The following CACNG4 variants were observed in gnomAD, a reference collection of about 807,000 sequenced individuals.
The protein encoded by CACNG4 is voltage-dependent calcium channel gamma-4 subunit.
CACNG4 carries 8 observed loss-of-function variants against 22.9 expected under a neutral mutation model. The observed-to-expected ratio is 0.35, with a 90% CI of 0.21 to 0.63. The LOEUF (loss-of-function observed/expected upper bound fraction) is 0.63. Among genes scored for constraint, CACNG4 ranks in the 30% least tolerant of loss-of-function variants. CACNG4 has a pLI of 0.72. For missense variants in CACNG4, 357 were observed against 455.4 expected (o/e 0.78, Z 1.97); for synonymous variants, 188 against 191.9 (o/e 0.98, Z 0.17).
intron 1 of CACNG4, among the ~76,000 whole-genome samples, chr17:66,993,179 G>A (rs1033079547): frequency 6.6e-6 from 1 of 152,270 alleles, no homozygotes; most frequent in Non-Finnish European, 1.5e-5. Context: ...TGGGCCTGAG[G>A]CCTGTGGTGG....
At chr17:66,968,398 C>A (rs1350409181) in intron 1 of CACNG4, among the ~76,000 whole-genome samples, 1 of 151,874 alleles carries the variant, frequency 6.6e-6, no homozygotes, top group Non-Finnish European at 1.5e-5. Flanking sequence ...CCCTTCCCTT[C>A]TTTTCCCTTC....
Position 67,032,260 on chromosome 17 carries a change from GT to G in CACNG4, c.*1261del, listed in dbSNP as rs1391346921. 6.1e-6 allele frequency: 2 copies of G among 329,134 alleles called. No homozygotes were observed. The highest frequency in any genetic ancestry group is 1.2e-5 in the Non-Finnish European group (2 of 168,970). 20.4% of individuals were successfully genotyped at this position (329,134 alleles called of 1,614,324 possible). ...GAGGAAGTGGTTTCTGTGTTTTACA[GT>G]TTTTCCAGCCATTCTTTTCTTCCCC... On this transcript the variant is annotated 3_prime_UTR_variant, in exon 4 of 4. Coordinates refer to ENST00000262138, the MANE Select transcript of CACNG4 (RefSeq NM_014405.4).
chr17:67,001,829 G>C (rs1369805234), intron 1 of CACNG4, among the ~76,000 whole-genome samples: 6 of 152,236 alleles, frequency 3.9e-5, no homozygotes, highest in African/African-American at 1.2e-4. Flanking sequence ...GCTCTTCCTG[G>C]AAAGCCACCA....
rs530845443 is a variant in CACNG4 at position 67,003,964 on chromosome 17, A to C, written c.221-14225A>C. On this transcript the variant is annotated intron_variant, in intron 1 of 3. Transcript: ENST00000262138. ...CCCTTCTAGAAGTTTATGATTATCT[A>C]CTATGATGCTCCCTCTCTTGCCCAG... Among the ~76,000 whole-genome samples, 8 of 152,324 alleles carry C rather than the reference A, an allele frequency of 5.3e-5. No individual in the cohort carries two copies. The South Asian group carries it at 1.7e-3, about 32-fold the overall frequency.
At chr17:67,025,806 G>A (rs1011014618) in intron 3 of CACNG4, among the ~76,000 whole-genome samples, 1 of 152,256 alleles carries the variant, frequency 6.6e-6, no homozygotes, top group Non-Finnish European at 1.5e-5. Flanking sequence ...GGAGAGGGTA[G>A]ATGACTTCCG....
chr17:66,990,472 G>A (rs767663521), intron 1 of CACNG4, among the ~76,000 whole-genome samples: 4 of 152,132 alleles, frequency 2.6e-5, no homozygotes, highest in Admixed American at 2.0e-4. Context: ...ACAGCAGCGG[G>A]TGGGTATCTT....
chr17:66,992,989 G>A (rs1032696082), intron 1 of CACNG4, among the ~76,000 whole-genome samples: 4 of 152,196 alleles, frequency 2.6e-5, no homozygotes, highest in South Asian at 2.1e-4. Flanking sequence ...CAGAGGGAGC[G>A]CCCACCTTGC....
intron 3 of CACNG4, among the ~76,000 whole-genome samples, chr17:67,025,686 G>T (rs1183131189): frequency 1.3e-5 from 2 of 152,264 alleles, no homozygotes; most frequent in Non-Finnish European, 2.9e-5. Flanking sequence ...AGCTGTGGGT[G>T]ACAGTGACAT....
At chr17:66,998,343 T>G (rs2035387498) in intron 1 of CACNG4, among the ~76,000 whole-genome samples, 1 of 152,180 alleles carries the variant, frequency 6.6e-6, no homozygotes, top group Non-Finnish European at 1.5e-5. Context: ...TGCCTTAGCC[T>G]CCTGAGTAGC....
In CACNG4 at chr17:67,001,743, C is replaced by A. The variant is rs528844345; in HGVS notation, c.221-16446C>A. On this transcript the variant is annotated intron_variant, in intron 1 of 3. Transcript: ENST00000262138. ...CTGCTCTTCCAGGACTTCAGGGGCC[C>A]TCATGGGGGAGACGAACTAGACATT... 8.5e-5 allele frequency among the ~76,000 whole-genome samples: 13 copies of A among 152,318 alleles called. No homozygotes were observed. In the South Asian group the frequency reaches 1.9e-3, roughly 22 times the overall value.
At chr17:67,019,643 CA>C (rs1170146023) in intron 2 of CACNG4, among the ~76,000 whole-genome samples, 1 of 152,232 alleles carries the variant, frequency 6.6e-6, no homozygotes, top group Admixed American at 6.5e-5. Context: ...CCAGGGCAAT[CA>C]GGTGGTTCTT....
intron 1 of CACNG4, among the ~76,000 whole-genome samples, chr17:67,009,453 G>A (rs952824858): frequency 6.6e-6 from 1 of 152,102 alleles, no homozygotes; most frequent in East Asian, 1.9e-4. Flanking sequence ...GCATTTCTTG[G>A]TTTTACATCT....
At chr17:66,965,301 C>G (rs1443481636) in intron 1 of CACNG4, among the ~76,000 whole-genome samples, 170 bp downstream of exon 1, 1 of 149,292 alleles carries the variant, frequency 6.7e-6, no homozygotes, top group South Asian at 2.1e-4. Context: ...ACAAAGGAGC[C>G]GGAGCTGGCG....
intron 1 of CACNG4, among the ~76,000 whole-genome samples, chr17:66,982,122 A>C (rs2035279238): frequency 6.6e-6 from 1 of 152,186 alleles, no homozygotes; most frequent in South Asian, 2.1e-4. Flanking sequence ...CCAAAGAGTG[A>C]GCAGCAGCTA....
chr17:67,018,119 G>A (rs920568341), intron 1 of CACNG4, 70 bp from the exon 2 acceptor site: 71 of 1,167,032 alleles, frequency 6.1e-5, no homozygotes, highest in Middle Eastern at 1.9e-4. Context: ...CATGGCAACC[G>A]TGTCTGGAGT....
Position 67,024,884 on chromosome 17 carries a change from T to A in CACNG4, c.329T>A (p.Phe110Tyr). Residue 110 changes from phenylalanine to tyrosine, a missense_variant, in exon 3 of 4, where the codon TTC (phenylalanine) becomes TAC (tyrosine). This residue lies in a region of CACNG4 where 114 missense variants were observed against 161.6 expected (regional missense o/e 0.71). Transcript: ENST00000262138. ...GGCATCGTGCGAGCCTCCAGCGTCTTCCCCATCCTCAGCACCATCCTGCTC... is the reference window on the plus strand; with the variant it reads ...GGCATCGTGCGAGCCTCCAGCGTCTACCCCATCCTCAGCACCATCCTGCTC... Reference protein sequence around the residue: ...LLRIVRASSVFPILSTILLLL... With the variant: ...LLRIVRASSVYPILSTILLLL... 1 of 1,586,868 alleles carries A rather than the reference T, an allele frequency of 6.3e-7. No individual in the cohort carries two copies. Among genetic ancestry groups the A allele is most frequent in the Non-Finnish European group, 8.6e-7 (1 of 1,168,556 alleles).
At chr17:66,993,917 C>T (rs2035357402) in intron 1 of CACNG4, among the ~76,000 whole-genome samples, 1 of 152,120 alleles carries the variant, frequency 6.6e-6, no homozygotes, top group Non-Finnish European at 1.5e-5. Context: ...TCACACCCGG[C>T]CAATGAGATT....
At chr17:67,019,030 T>C (rs1183052099) in intron 2 of CACNG4, among the ~76,000 whole-genome samples, 2 of 152,018 alleles carry the variant, frequency 1.3e-5, no homozygotes, top group Non-Finnish European at 2.9e-5. Context: ...AGCCTGCAAA[T>C]AGAAAAATTG....
At chr17:66,999,899 G>T (rs950970805) in intron 1 of CACNG4, among the ~76,000 whole-genome samples, 1 of 152,190 alleles carries the variant, frequency 6.6e-6, no homozygotes, top group African/African-American at 2.4e-5. Flanking sequence ...CCGAGGGAAG[G>T]GCTTTATTTA....
Sources: allele counts gnomAD v4.1 joint callset (sites outside exome capture counted in the v4.1 genomes callset), GRCh38; gene constraint gnomAD v4.1.1; regional missense constraint gnomAD v4.1.1; transcripts MANE v1.5; gene names NCBI Gene and HGNC (gene_info 2026-07-23, HGNC 2026-07-21).